Variants in SLC43A1 observed in about 807,000 individuals in gnomAD.
SLC43A1 encodes the protein large neutral amino acids transporter small subunit 3.
A neutral mutation model predicts 59.5 loss-of-function variants in SLC43A1; 31 were observed. That is an observed-to-expected ratio of 0.52 (90% CI 0.39 to 0.70). SLC43A1 has a LOEUF of 0.70. SLC43A1 is among the 30% of genes least tolerant of loss of function. The pLI is 0.00. For missense variants in SLC43A1, 598 were observed against 717.8 expected (o/e 0.83, Z 1.91); for synonymous variants, 259 against 290.9 (o/e 0.89, Z 1.12).
intron 7 of SLC43A1, chr11:57,494,478 C>G (rs1293626948): frequency 2.5e-6 from 1 of 392,240 alleles, no homozygotes; most frequent in Non-Finnish European, 4.6e-6. Context: ...CTAAGATTCA[C>G]CCTCCTTTGA....
At chr11:57,501,401 G>A in intron 2 of SLC43A1, 72 bp from the exon 3 acceptor site, 1 of 1,525,862 alleles carries the variant, frequency 6.6e-7, no homozygotes, top group Non-Finnish European at 9.0e-7. Context: ...GCAGCCCACA[G>A]TCAGGCGGCC....
intron 4 of SLC43A1, 47 bp downstream of exon 4, chr11:57,500,941 C>A (rs1223799719): frequency 1.3e-6 from 2 of 1,598,378 alleles, no homozygotes; most frequent in Non-Finnish European, 1.7e-6. Context: ...CCGCCTTCAT[C>A]CCACCTATTC....
intron 3 of SLC43A1, 31 bp from the exon 4 acceptor site, chr11:57,501,074 G>A (rs768092569): frequency 9.3e-6 from 15 of 1,606,974 alleles, no homozygotes; most frequent in South Asian, 8.9e-5. Context: ...GCGAGGGGTT[G>A]GCCTGTGAGC....
At chr11:57,497,940 G>A in intron 5 of SLC43A1, 95 bp from the exon 6 acceptor site, 5 of 830,504 alleles carry the variant, frequency 6.0e-6, no homozygotes, top group Non-Finnish European at 9.6e-6. Context: ...AGGAGACGCA[G>A]CAGAAAAGCC....
intron 2 of SLC43A1, among the ~76,000 whole-genome samples, chr11:57,507,953 T>C (rs369311992): frequency 6.6e-5 from 10 of 152,278 alleles, no homozygotes; most frequent in African/African-American, 2.2e-4. Flanking sequence ...CATTTTACCA[T>C]ATGGGGTAAT....
At position 57,491,861 on chromosome 11, in the gene SLC43A1, C is replaced by T; in HGVS notation, c.873G>A (p.Arg291=). The T allele has an allele frequency of 1.2e-6, 2 of 1,613,924 alleles. No homozygotes were observed. Among genetic ancestry groups the T allele is most frequent in the Non-Finnish European group, 1.7e-6 (2 of 1,179,944 alleles). The change falls in exon 9 of 15, where the codon AGG becomes AGA. Residue 291 remains arginine (R), a splice_region_variant and synonymous_variant. Coordinates refer to ENST00000278426, the MANE Select transcript of SLC43A1 (RefSeq NM_003627.6). ...AGAGGCTCTTGCGTAAGGGGACAGACCCTGGGGAGACAGCAGGGGGCGCCC... is the reference window on the plus strand; with the variant it reads ...AGAGGCTCTTGCGTAAGGGGACAGATCCTGGGGAGACAGCAGGGGGCGCCC... ...VRGTSENLPE[R]SVPLRKSLCS...
chr11:57,486,013 G>A (rs541315299), intron 14 of SLC43A1, among the ~76,000 whole-genome samples: 1 of 152,318 alleles, frequency 6.6e-6, no homozygotes, highest in African/African-American at 2.4e-5. Context: ...GGGCTGCCTC[G>A]TGCAGGAGTG....
intron 13 of SLC43A1, 50 bp downstream of exon 13, chr11:57,488,866 C>T (rs562666571): frequency 6.6e-7 from 1 of 1,513,682 alleles, no homozygotes; most frequent in Admixed American, 1.7e-5. Context: ...CTGGGGTTCT[C>T]TGATCACGGT....
At chr11:57,510,963 CAA>C (rs967174668) in intron 2 of SLC43A1, among the ~76,000 whole-genome samples, 5 of 151,814 alleles carry the variant, frequency 3.3e-5, no homozygotes, top group Admixed American at 2.0e-4. Flanking sequence ...GCCTGGGCAA[CAA>C]GAGAGAAATT....
intron 2 of SLC43A1, among the ~76,000 whole-genome samples, chr11:57,507,605 T>C (rs920933547): frequency 1.3e-4 from 20 of 152,226 alleles, no homozygotes; most frequent in Non-Finnish European, 2.9e-5. Context: ...TTTATACCAC[T>C]GGACTCCAGC....
chr11:57,496,165 C>A lies in SLC43A1; in HGVS notation c.559-1G>T. On this transcript the variant is annotated splice_acceptor_variant, in intron 6 of 14. Transcript: ENST00000278426. LOFTEE classifies it high-confidence loss of function. ...AGGCCACACCGGCATCGTAGATCAG[C>A]TGTGAGAGGAGGGGGCAGGCCCGTG... 1 of 1,613,920 alleles carries A rather than the reference C, an allele frequency of 6.2e-7. No homozygotes were observed. Among genetic ancestry groups the A allele is most frequent in the East Asian group, 2.2e-5 (1 of 44,866 alleles).
At chr11:57,499,202 T>C (rs1944179252) in intron 5 of SLC43A1, among the ~76,000 whole-genome samples, 2 of 151,936 alleles carry the variant, frequency 1.3e-5, no homozygotes, top group South Asian at 4.1e-4. Flanking sequence ...CGTGCACCTG[T>C]AGTCCCAGCT....
At chr11:57,510,248 G>C (rs895482770) in intron 2 of SLC43A1, among the ~76,000 whole-genome samples, 2 of 151,906 alleles carry the variant, frequency 1.3e-5, no homozygotes, top group Non-Finnish European at 2.9e-5. Context: ...CTTGAGGTCA[G>C]GAGTTCGAAA....
At position 57,513,888 on chromosome 11, in the gene SLC43A1, C is replaced by T. The variant is rs975761489; in HGVS notation, c.154+70G>A. On this transcript the variant is annotated intron_variant, in intron 2 of 14. Transcript: ENST00000278426. ...GCTTTCTGTCCACCTGGCCACCTAACCTTTTCTGGCTTCCACCTGCCCCTT... is the reference window on the plus strand; with the variant it reads ...GCTTTCTGTCCACCTGGCCACCTAATCTTTTCTGGCTTCCACCTGCCCCTT... The T allele has an allele frequency of 2.3e-6, 3 of 1,300,292 alleles. No individual in the cohort carries two copies. The African/African-American group carries it at 4.4e-5, about 19-fold the overall frequency. 80.5% of individuals were successfully genotyped at this position (1,300,292 alleles called of 1,614,324 possible). A position where few individuals can be genotyped will look rare whatever the true frequency, so the allele number is the denominator to read the frequency against.
At chr11:57,501,125 C>T (rs774607334) in intron 3 of SLC43A1, 27 bp downstream of exon 3, 3 of 1,613,030 alleles carry the variant, frequency 1.9e-6, no homozygotes, top group Non-Finnish European at 2.5e-6. Context: ...CCCTGTCCTC[C>T]CGTTCCCCAT....
rs572961948 is a variant in SLC43A1 at position 57,504,427 on chromosome 11, G to A, written c.155-3098C>T. On this transcript the variant is annotated intron_variant, in intron 2 of 14. Transcript: ENST00000278426. Reference sequence around the variant, plus strand: ...AGTCCCTGAATTAGACACTGTTCCTGCTCCTAAGTCTTTGATAATCAAATG... The same window carrying A: ...AGTCCCTGAATTAGACACTGTTCCTACTCCTAAGTCTTTGATAATCAAATG... 4.6e-5 allele frequency among the ~76,000 whole-genome samples: 7 copies of A among 152,254 alleles called. No homozygotes were observed. In the South Asian group the frequency reaches 1.5e-3, roughly 32 times the overall value.
At chr11:57,492,714 C>A in intron 8 of SLC43A1, among the ~76,000 whole-genome samples, 1 of 98,396 alleles carries the variant, frequency 1.0e-5, no homozygotes. Flanking sequence ...CAGGCAACAG[C>A]AATACCCTGT....
At chr11:57,513,923 T>TAC in intron 2 of SLC43A1, 35 bp downstream of exon 2, 62 of 1,162,100 alleles carry the variant, frequency 5.3e-5, no homozygotes, top group African/African-American at 6.2e-5. Context: ...TTGCCATCCC[T>TAC]CCCCCCAGCC....
intron 5 of SLC43A1, among the ~76,000 whole-genome samples, chr11:57,499,953 C>A (rs901508159): frequency 6.6e-6 from 1 of 152,166 alleles, no homozygotes; most frequent in Non-Finnish European, 1.5e-5. Context: ...TGTGAAATGT[C>A]CCCGGTTGGA....
Sources: allele counts gnomAD v4.1 joint callset (sites outside exome capture counted in the v4.1 genomes callset), GRCh38; gene constraint gnomAD v4.1.1; transcripts MANE v1.5; gene names NCBI Gene and HGNC (gene_info 2026-07-23, HGNC 2026-07-21).